Variants in FAM168B observed in about 807,000 individuals in gnomAD.
FAM168B encodes the protein family with sequence similarity 168 member B.
FAM168B carries 19 observed loss-of-function variants against 21.8 expected under a neutral mutation model. The observed-to-expected ratio is 0.87, with a 90% CI of 0.61 to 1.28. The LOEUF is 1.28. Ranked by LOEUF, FAM168B falls within the 50% of genes most tolerant of loss-of-function variation. The pLI is 0.00. For synonymous variants in FAM168B, 126 were observed against 104.8 expected, an observed-to-expected ratio of 1.20 and a Z score of -1.24; for missense variants, 233 against 263.1, an observed-to-expected ratio of 0.89 and a Z score of 0.79.
chr2:131,082,318 G>A (rs1443184155), intron 2 of FAM168B, among the ~76,000 whole-genome samples: 1 of 152,174 alleles, frequency 6.6e-6, no homozygotes, highest in Non-Finnish European at 1.5e-5. Flanking sequence ...TGGGACCTGT[G>A]ACCAACACTA....
intron 3 of FAM168B, among the ~76,000 whole-genome samples, chr2:131,065,197 C>T (rs952551655): frequency 5.3e-5 from 8 of 152,208 alleles, no homozygotes; most frequent in Middle Eastern, 3.4e-3. Flanking sequence ...ACGGAAGGCA[C>T]GAGCAAAAGC....
At position 131,084,697 on chromosome 2, in the gene FAM168B, T is replaced by C. The variant is rs1488023868; in HGVS notation, c.-11-2040A>G. 4.6e-5 allele frequency among the ~76,000 whole-genome samples: 7 copies of C among 152,224 alleles called. No homozygotes were observed. The South Asian group carries it at 1.5e-3, about 32-fold the overall frequency. On this transcript the variant is annotated intron_variant, in intron 1 of 6. Coordinates refer to ENST00000389915, the MANE Select transcript of FAM168B (RefSeq NM_001009993.4). ...AACAGAAGTACTGTTGGGAACTGAT[T>C]CCCATTCAGCTCTCTAGTAAGCTCC...
At chr2:131,073,736 C>G (rs1692996169) in intron 2 of FAM168B, among the ~76,000 whole-genome samples, 1 of 152,164 alleles carries the variant, frequency 6.6e-6, no homozygotes. Flanking sequence ...TCTGCTAAAG[C>G]AGCAGAAAAC....
chr2:131,071,857 G>A lies in FAM168B; in HGVS notation c.152C>T (p.Thr51Ile), dbSNP rs1221017060. The A allele has an allele frequency of 6.2e-7, 1 of 1,613,558 alleles. No homozygotes were observed. Among genetic ancestry groups the A allele is most frequent in the Non-Finnish European group, 8.5e-7 (1 of 1,179,720 alleles). The change falls in exon 3 of 7, where the codon ACA becomes ATA. Residue 51 changes from threonine (T) to isoleucine (I), a missense_variant and splice_region_variant. Physicochemically the swap from Thr to Ile is moderately conservative, Grantham distance 89 (BLOSUM62 -1). Coordinates refer to ENST00000389915, the MANE Select transcript of FAM168B (RefSeq NM_001009993.4). ...GCATTTTACCACCCAGCACATACCT[G>A]TTTGGAAGGTAGGATTCGCTCCAGG... ...MYPGANPTFQ[T>I]GYTPGTPYKV...
chr2:131,049,917 G>C lies in FAM168B; in HGVS notation c.*2548C>G, dbSNP rs980256283. 2.0e-6 allele frequency: 2 copies of C among 985,414 alleles called. No individual in the cohort carries two copies. The highest frequency in any genetic ancestry group is 6.1e-5 in the Admixed American group (1 of 16,262). 61.0% of individuals were successfully genotyped at this position (985,414 alleles called of 1,614,324 possible). Reference sequence around the variant, plus strand: ...GTTGATAAAATTACAACCTATGACAGTTTTGTGACTATTTCCTAAGTCCAG... The same window carrying C: ...GTTGATAAAATTACAACCTATGACACTTTTGTGACTATTTCCTAAGTCCAG... On this transcript the variant is annotated 3_prime_UTR_variant, in exon 7 of 7. Transcript: ENST00000389915.
Position 131,049,586 on chromosome 2 carries a change from G to C in FAM168B, c.*2879C>G. Reference sequence around the variant, plus strand: ...GATCCAAACAAGACCTCCATGAGCAGAGAAACTGCAGCGGCTGAACACACT... The same window carrying C: ...GATCCAAACAAGACCTCCATGAGCACAGAAACTGCAGCGGCTGAACACACT... On this transcript the variant is annotated 3_prime_UTR_variant, in exon 7 of 7. Coordinates refer to ENST00000389915, the MANE Select transcript of FAM168B (RefSeq NM_001009993.4). 1.0e-6 allele frequency: 1 copy of C among 985,476 alleles called. No individual in the cohort carries two copies. The highest frequency in any genetic ancestry group is 1.7e-5 in the African/African-American group (1 of 57,358). The allele number at this position is 985,476 out of a possible 1,614,324, so 61.0% of individuals were successfully genotyped here.
At chr2:131,070,850 C>T (rs1692837791) in intron 3 of FAM168B, among the ~76,000 whole-genome samples, 3 of 152,118 alleles carry the variant, frequency 2.0e-5, no homozygotes, top group South Asian at 2.1e-4. Context: ...GACTGAAAGT[C>T]GAGACTCTAG....
chr2:131,065,812 A>G (rs978027747), intron 3 of FAM168B, among the ~76,000 whole-genome samples: 1 of 151,810 alleles, frequency 6.6e-6, no homozygotes, highest in East Asian at 1.9e-4. Context: ...AAAAAGAAAA[A>G]AAAAAAAAAG....
At chr2:131,089,155 G>A (rs944753932) in intron 1 of FAM168B, among the ~76,000 whole-genome samples, 2 of 151,818 alleles carry the variant, frequency 1.3e-5, no homozygotes, top group Non-Finnish European at 2.9e-5. Flanking sequence ...TAGTAGAGAC[G>A]GGGTTTCTCC....
chr2:131,080,270 G>A (rs530901376), intron 2 of FAM168B, among the ~76,000 whole-genome samples: 9 of 151,714 alleles, frequency 5.9e-5, no homozygotes, highest in South Asian at 2.1e-4. Flanking sequence ...AAACAGTAAC[G>A]TCTTTTTTTT....
At chr2:131,088,049 C>G (rs1352804723) in intron 1 of FAM168B, among the ~76,000 whole-genome samples, 1 of 152,112 alleles carries the variant, frequency 6.6e-6, no homozygotes, top group East Asian at 1.9e-4. Flanking sequence ...CGTTCGAGAC[C>G]AGCCTGGGCA....
Position 131,055,608 on chromosome 2 carries a change from T to C in FAM168B, c.242A>G (p.Gln81Arg). ...ACTTCGCACAGGGTACACGGCAGTC[T>C]GGTAGGGGTTCGGGGAGGAGGAGTA... ...PPYSSSPNPY[Q>R]TAVYPVRSAY... Residue 81 changes from glutamine to arginine, a missense_variant, in exon 4 of 7, where the codon CAG becomes CGG. By Grantham distance (43) the Gln-to-Arg change is conservative (BLOSUM62 1). Coordinates refer to ENST00000389915, the MANE Select transcript of FAM168B (RefSeq NM_001009993.4). 6.2e-7 allele frequency: 1 copy of C among 1,611,144 alleles called. No homozygotes were observed. Among genetic ancestry groups the C allele is most frequent in the Non-Finnish European group, 8.5e-7 (1 of 1,178,568 alleles).
At position 131,049,099 on chromosome 2, in the gene FAM168B, C is replaced by T. The variant is rs1039667560; in HGVS notation, c.*3366G>A. ...CTCACTGGCACTCACAGGTGCCTTA[C>T]ATACCTTACGGGGGCCAACACTGAC... On this transcript the variant is annotated 3_prime_UTR_variant, in exon 7 of 7. Transcript: ENST00000389915. 3 of 985,340 alleles carry T rather than the reference C, an allele frequency of 3.0e-6. No homozygotes were observed. Among genetic ancestry groups the T allele is most frequent in the Admixed American group, 1.2e-4 (2 of 16,264 alleles). 61.0% of individuals were successfully genotyped at this position (985,340 alleles called of 1,614,324 possible).
chr2:131,070,048 G>A (rs1692795347), intron 3 of FAM168B, among the ~76,000 whole-genome samples: 1 of 150,920 alleles, frequency 6.6e-6, no homozygotes, highest in Non-Finnish European at 1.5e-5. Flanking sequence ...TAGTAGAGAC[G>A]GGGTTTCACC....
intron 3 of FAM168B, among the ~76,000 whole-genome samples, chr2:131,062,717 G>T (rs987021514): frequency 2.6e-5 from 4 of 152,106 alleles, no homozygotes; most frequent in Admixed American, 2.6e-4. Flanking sequence ...CAAAGTGCTG[G>T]GATTACAGGT....
intron 1 of FAM168B, among the ~76,000 whole-genome samples, chr2:131,091,871 T>A: frequency 6.6e-6 from 1 of 151,512 alleles, no homozygotes; most frequent in Non-Finnish European, 1.5e-5. Flanking sequence ...GGCTCACGTC[T>A]GTAATCCCAG....
chr2:131,051,974 C>G lies in FAM168B; in HGVS notation c.*491G>C. 1 of 985,602 alleles carries G rather than the reference C, an allele frequency of 1.0e-6. No homozygotes were observed. The highest frequency in any genetic ancestry group is 1.2e-6 in the Non-Finnish European group (1 of 829,940). The allele number at this position is 985,602 out of a possible 1,614,324, so 61.1% of individuals were successfully genotyped here. A position where few individuals can be genotyped will look rare whatever the true frequency, so the allele number is the denominator to read the frequency against. On this transcript the variant is annotated 3_prime_UTR_variant, in exon 7 of 7. Coordinates refer to ENST00000389915, the MANE Select transcript of FAM168B (RefSeq NM_001009993.4). ...CATCAACCCCAAAAGGTTGAAGAAT[C>G]ATCTAAGATATTTCAGATGCTCTAT... is the stretch of plus-strand genomic sequence containing the variant.
intron 1 of FAM168B, among the ~76,000 whole-genome samples, chr2:131,084,667 T>TCC (rs1558995820): frequency 6.6e-6 from 1 of 152,128 alleles, no homozygotes; most frequent in Non-Finnish European, 1.5e-5. Flanking sequence ...ACTCTACCCC[T>TCC]CCCCAACAGA....
At position 131,052,123 on chromosome 2, in the gene FAM168B, A is replaced by C. The variant is rs1691714599; in HGVS notation, c.*342T>G. 1 of 985,840 alleles carries C rather than the reference A, an allele frequency of 1.0e-6. No individual in the cohort carries two copies. Among genetic ancestry groups the C allele is most frequent in the Non-Finnish European group, 1.2e-6 (1 of 829,934 alleles). The allele number at this position is 985,840 out of a possible 1,614,324, so 61.1% of individuals were successfully genotyped here. On this transcript the variant is annotated 3_prime_UTR_variant, in exon 7 of 7. Coordinates refer to ENST00000389915, the MANE Select transcript of FAM168B (RefSeq NM_001009993.4). Reference sequence around the variant, plus strand: ...ATTTTGCATATGATGGTTTTGCATCAGTCACTGCAGGTAGATTGAGCAAGC... The same window carrying C: ...ATTTTGCATATGATGGTTTTGCATCCGTCACTGCAGGTAGATTGAGCAAGC...
Sources: gnomAD v4.1 joint callset for allele counts (sites outside exome capture counted in the v4.1 genomes callset) on GRCh38, gnomAD v4.1.1 for gene constraint, MANE v1.5 for transcripts, NCBI Gene and HGNC (gene_info 2026-07-23, HGNC 2026-07-21) for gene names.